The following DQX1 variants were observed in gnomAD, a reference collection of about 807,000 sequenced individuals.
The protein encoded by DQX1 is ATP-dependent RNA helicase homolog DQX1.
A neutral mutation model predicts 81.3 loss-of-function variants in DQX1; 66 were observed. The observed-to-expected ratio is 0.81, with a 90% confidence interval of 0.67 to 1.00. The LOEUF is 1.00. Ranked by LOEUF, DQX1 falls within the 50% of genes least tolerant of loss-of-function variation. The pLI is 0.00. For synonymous variants in DQX1, 290 were observed against 350.0 expected, an observed-to-expected ratio of 0.83 and a Z score of 1.91; for missense variants, 798 against 867.9, an observed-to-expected ratio of 0.92 and a Z score of 1.01.
chr2:74,519,890 T>A, intron 9 of DQX1, 25 bp downstream of exon 9: 1 of 1,605,498 alleles, frequency 6.2e-7, no homozygotes, highest in Non-Finnish European at 8.5e-7. Flanking sequence ...AAATCTGGGA[T>A]TCTATAAAAG....
Position 74,525,748 on chromosome 2 carries a change from C to G in DQX1, c.-19G>C, listed in dbSNP as rs1417149757. 3 of 1,546,874 alleles carry G rather than the reference C, an allele frequency of 1.9e-6. No individual in the cohort carries two copies. Among genetic ancestry groups the G allele is most frequent in the East Asian group, 2.4e-5 (1 of 40,860 alleles). ...AGGTCATGGTGGCTCTCTGGCAGGA[C>G]CTGCAGAAGGCAGAGCAGCCAGTAA... On this transcript the variant is annotated splice_region_variant and 5_prime_UTR_variant, in exon 2 of 12. Coordinates refer to ENST00000404568, the MANE Select transcript of DQX1 (RefSeq NM_133637.3). This position sits in a 1 kb window ranked among gnomAD's most constrained non-coding sequence, Gnocchi z 4.1.
At position 74,523,032 on chromosome 2, in the gene DQX1, T is replaced by G; in HGVS notation, c.1145-18A>C. 6.2e-7 allele frequency: 1 copy of G among 1,613,920 alleles called. No individual in the cohort carries two copies. On this transcript the variant is annotated intron_variant, in intron 6 of 11. Coordinates refer to ENST00000404568, the MANE Select transcript of DQX1 (RefSeq NM_133637.3). Reference sequence around the variant, plus strand: ...GCAGGATCCTGAGGGGAAAAAGACCTGGGAAAGAAGACCACTGTAGATTTC... The same window carrying G: ...GCAGGATCCTGAGGGGAAAAAGACCGGGGAAAGAAGACCACTGTAGATTTC...
Position 74,525,037 on chromosome 2 carries a change from C to T in DQX1, c.403G>A (p.Asp135Asn). 1 of 1,614,138 alleles carries T rather than the reference C, an allele frequency of 6.2e-7. No individual in the cohort carries two copies. Among genetic ancestry groups the T allele is most frequent in the Non-Finnish European group, 8.5e-7 (1 of 1,180,016 alleles). The change falls in exon 3 of 12, where the codon GAC becomes AAC. Residue 135 changes from aspartate to asparagine, a missense_variant. Physicochemically the swap from Asp to Asn is conservative, Grantham distance 23 (BLOSUM62 1). Coordinates refer to ENST00000404568, the MANE Select transcript of DQX1 (RefSeq NM_133637.3). This position sits in a 1 kb window ranked among gnomAD's most constrained non-coding sequence, Gnocchi z 4.1. ...AGCAGGGTGTTGGGCCCCGTGCAGT[C>T]CTCCTGGGGGATGCTGTATCCAACC... ...HEVGYSIPQE[D>N]CTGPNTLLRF...
chr2:74,525,844 A>G lies in DQX1; in HGVS notation c.-19-96T>C. 1.2e-6 allele frequency: 1 copy of G among 856,706 alleles called. No individual in the cohort carries two copies. The highest frequency in any genetic ancestry group is 1.8e-6 in the Non-Finnish European group (1 of 560,374). 53.1% of individuals were successfully genotyped at this position (856,706 alleles called of 1,614,324 possible). On this transcript the variant is annotated intron_variant, in intron 1 of 11. Coordinates refer to ENST00000404568, the MANE Select transcript of DQX1 (RefSeq NM_133637.3). The surrounding 1 kb of genome is among the most constrained non-coding windows in gnomAD (Gnocchi z 4.1). The stretch of plus-strand genomic sequence containing the variant: ...CCTTAACCTCTACCTTCAGTTGATC[A>G]TGCTCTGGGGCCCACCCTTCCCAGC...
In DQX1 at chr2:74,522,787, G is replaced by A. The variant is rs748760181; in HGVS notation, c.1304-16C>T. ...GCTTCTGGAGCTGGTGAGGAAACAG[G>A]GCTTACAGGATATGAAGTTTCAGAA... On this transcript the variant is annotated splice_polypyrimidine_tract_variant and intron_variant, in intron 7 of 11. Transcript: ENST00000404568. 6.2e-7 allele frequency: 1 copy of A among 1,613,844 alleles called. No individual in the cohort carries two copies. Among genetic ancestry groups the A allele is most frequent in the South Asian group, 1.1e-5 (1 of 91,052 alleles).
In DQX1 at chr2:74,523,253, T is replaced by C. The variant is rs181044530; in HGVS notation, c.1045-35A>G. ...GTCCCCCAACCAAGGCCAAGACAGA[T>C]CAGAGTGGGCCATTTCTGTCTTTAC... On this transcript the variant is annotated intron_variant, in intron 5 of 11. Coordinates refer to ENST00000404568, the MANE Select transcript of DQX1 (RefSeq NM_133637.3). 3.0e-3 allele frequency: 4,791 copies of C among 1,614,016 alleles called. 21 individuals carry two copies. The highest frequency in any genetic ancestry group is 2.6e-3 in the Non-Finnish European group (3,059 of 1,179,912).
In DQX1 at chr2:74,522,750, G is replaced by A. The variant is rs1360058821; in HGVS notation, c.1325C>T (p.Ala442Val). 1 of 1,614,064 alleles carries A rather than the reference G, an allele frequency of 6.2e-7. No individual in the cohort carries two copies. Among genetic ancestry groups the A allele is most frequent in the African/African-American group, 1.3e-5 (1 of 74,922 alleles). The change falls in exon 8 of 12, where the codon GCC (alanine) becomes GTC (valine). Residue 442 changes from alanine to valine, a missense_variant. By Grantham distance (64) the Ala-to-Val change is moderately conservative (BLOSUM62 0). Coordinates refer to ENST00000404568, the MANE Select transcript of DQX1 (RefSeq NM_133637.3). ...TGCCAGATAGTCTAAATCTTCCAGG[G>A]CTTGCATCAGTGCTTCTGGAGCTGG... ...DQPAPEALMQ[A>V]LEDLDYLAAL... is the part of the protein sequence containing the mutation.
chr2:74,525,367 C>T lies in DQX1; in HGVS notation c.237+126G>A. On this transcript the variant is annotated intron_variant, in intron 2 of 11. Transcript: ENST00000404568. The surrounding 1 kb of genome is among the most constrained non-coding windows in gnomAD (Gnocchi z 4.1). Reference sequence around the variant, plus strand: ...ACCCATCCCATCTCTCTTCGTTCACCTTCCTCATGACCCCACGCAGCCCAG... The same window carrying T: ...ACCCATCCCATCTCTCTTCGTTCACTTTCCTCATGACCCCACGCAGCCCAG... 1.6e-6 allele frequency: 2 copies of T among 1,266,912 alleles called. No homozygotes were observed. Among genetic ancestry groups the T allele is most frequent in the East Asian group, 5.1e-5 (2 of 39,272 alleles). 78.5% of individuals were successfully genotyped at this position (1,266,912 alleles called of 1,614,324 possible). A position where few individuals can be genotyped will look rare whatever the true frequency, so the allele number is the denominator to read the frequency against.
rs1332592648 is a variant in DQX1, at chr2:74,523,028, G to T, written c.1145-14C>A. 1 of 1,613,912 alleles carries T rather than the reference G, an allele frequency of 6.2e-7. No homozygotes were observed. Among genetic ancestry groups the T allele is most frequent in the Non-Finnish European group, 8.5e-7 (1 of 1,179,904 alleles). Reference sequence around the variant, plus strand: ...AGAGGCAGGATCCTGAGGGGAAAAAGACCTGGGAAAGAAGACCACTGTAGA... The same window carrying T: ...AGAGGCAGGATCCTGAGGGGAAAAATACCTGGGAAAGAAGACCACTGTAGA... On this transcript the variant is annotated splice_polypyrimidine_tract_variant and intron_variant, in intron 6 of 11. Transcript: ENST00000404568.
In DQX1 at chr2:74,525,047, G is replaced by C; in HGVS notation, c.393C>G (p.Ile131Met). 1 of 1,614,144 alleles carries C rather than the reference G, an allele frequency of 6.2e-7. No individual in the cohort carries two copies. Among genetic ancestry groups the C allele is most frequent in the Non-Finnish European group, 8.5e-7 (1 of 1,180,002 alleles). ...TGGGCCCCGTGCAGTCCTCCTGGGG[G>C]ATGCTGTATCCAACCTCATGACCCA... ...LTLGHEVGYSIPQEDCTGPNT... is the reference protein window; with the variant it reads ...LTLGHEVGYSMPQEDCTGPNT... The change falls in exon 3 of 12, where the codon ATC becomes ATG. Residue 131 changes from isoleucine (I) to methionine (M), a missense_variant. Transcript: ENST00000404568. The surrounding 1 kb of genome is among the most constrained non-coding windows in gnomAD (Gnocchi z 4.1).
At position 74,519,227 on chromosome 2, in the gene DQX1, C is replaced by T; in HGVS notation, c.1810G>A (p.Ala604Thr). ...ALVSGYFLKV[A>T]RDTDGTGNYL... Reference sequence around the variant, plus strand: ...TTTCCAGTCCCGTCTGTGTCTCTGGCCACCTTATTGAAAGGCAGAAATATT... The same window carrying T: ...TTTCCAGTCCCGTCTGTGTCTCTGGTCACCTTATTGAAAGGCAGAAATATT... Residue 604 changes from alanine to threonine, a missense_variant, in exon 11 of 12, where the codon GCC (alanine) becomes ACC (threonine). By Grantham distance (58) the Ala-to-Thr change is moderately conservative (BLOSUM62 0). Coordinates refer to ENST00000404568, the MANE Select transcript of DQX1 (RefSeq NM_133637.3). 1 of 1,551,358 alleles carries T rather than the reference C, an allele frequency of 6.4e-7. No homozygotes were observed. The highest frequency in any genetic ancestry group is 8.7e-7 in the Non-Finnish European group (1 of 1,149,388).
chr2:74,524,315 C>T lies in DQX1; in HGVS notation c.432-8G>A, dbSNP rs1199741673. ...AGCCTGTCCCAGCAGAACCTGTTGA[C>T]ATTGGTAGTGGGCAGAGGAATCAGT... On this transcript the variant is annotated splice_polypyrimidine_tract_variant and splice_region_variant and intron_variant, in intron 3 of 11. Transcript: ENST00000404568. The T allele has an allele frequency of 3.7e-6, 6 of 1,606,486 alleles. No homozygotes were observed. The highest frequency in any genetic ancestry group is 5.1e-6 in the Non-Finnish European group (6 of 1,177,510).
chr2:74,518,899 G>T, intron 11 of DQX1, 141 bp downstream of exon 11: 2 of 936,650 alleles, frequency 2.1e-6, no homozygotes, highest in South Asian at 2.0e-5. Flanking sequence ...CTTCTCACCA[G>T]CCCTTCCACA....
chr2:74,521,005 G>T (rs542661881), intron 8 of DQX1, among the ~76,000 whole-genome samples: 1 of 152,088 alleles, frequency 6.6e-6, no homozygotes, highest in Non-Finnish European at 1.5e-5. Context: ...GAGTCCATGT[G>T]TCTGAAAAAG....
At chr2:74,526,081 G>C (rs1675174253) in intron 1 of DQX1, 55 bp downstream of exon 1, 2 of 261,456 alleles carry the variant, frequency 7.6e-6, no homozygotes, top group African/African-American at 4.5e-5. Context: ...AAAGGATAAA[G>C]AATATAGGGG....
intron 8 of DQX1, among the ~76,000 whole-genome samples, chr2:74,521,219 G>T (rs146828224): frequency 0.012 from 1,780 of 152,340 alleles, 37 homozygotes; most frequent in African/African-American, 0.041. Context: ...TAGCAGAGCA[G>T]CAGAGATAAT....
At position 74,518,581 on chromosome 2, in the gene DQX1, T is replaced by C. The variant is rs779985546; in HGVS notation, c.2019A>G (p.Pro673=). The change falls in exon 12 of 12, where the codon CCA becomes CCG. Residue 673 remains proline (P), a synonymous_variant. Transcript: ENST00000404568. The part of the protein sequence containing the change: ...QPQMLVELAP[P]YFLSNLPPSE... ...TGGGAGGCAAGTTACTCAGGAAGTATGGAGGGGCCAATTCCACCAGCCTAA... is the reference window on the plus strand; with the variant it reads ...TGGGAGGCAAGTTACTCAGGAAGTACGGAGGGGCCAATTCCACCAGCCTAA... 2 of 1,614,174 alleles carry C rather than the reference T, an allele frequency of 1.2e-6. No homozygotes were observed. Among genetic ancestry groups the C allele is most frequent in the Non-Finnish European group, 1.7e-6 (2 of 1,180,018 alleles).
In DQX1 at chr2:74,525,188, A is replaced by G. The variant is rs756962672; in HGVS notation, c.252T>C (p.Cys84=). 1 of 1,583,616 alleles carries G rather than the reference A, an allele frequency of 6.3e-7. No homozygotes were observed. The highest frequency in any genetic ancestry group is 2.3e-5 in the East Asian group (1 of 43,788). The change falls in exon 3 of 12, where the codon TGT becomes TGC. Residue 84 remains cysteine (C), a synonymous_variant. Coordinates refer to ENST00000404568, the MANE Select transcript of DQX1 (RefSeq NM_133637.3). This position sits in a 1 kb window ranked among gnomAD's most constrained non-coding sequence, Gnocchi z 4.1. The part of the protein sequence containing the change: ...SGKSTQIPQW[C]AEFALARGFQ... ...ACCCTCTGGCCAGCGCAAACTCTGC[A>G]CACCACTGAGGGATCTGGGATAGAA...
chr2:74,525,516 G>A lies in DQX1; in HGVS notation c.214C>T (p.Pro72Ser), dbSNP rs1314646877. 1.9e-6 allele frequency: 3 copies of A among 1,552,226 alleles called. No homozygotes were observed. The highest frequency in any genetic ancestry group is 2.6e-6 in the Non-Finnish European group (3 of 1,147,158). Residue 72 changes from proline (P) to serine (S), a missense_variant, in exon 2 of 12, where the codon CCT (proline) becomes TCT (serine). Physicochemically the swap from Pro to Ser is moderately conservative, Grantham distance 74. Transcript: ENST00000404568. This position sits in a 1 kb window ranked among gnomAD's most constrained non-coding sequence, Gnocchi z 4.1. ...ACCTGGGTGCTCTTGCCAGAACCAGGCTCCCCAGACACCAGCACCACTCCA... is the reference window on the plus strand; with the variant it reads ...ACCTGGGTGCTCTTGCCAGAACCAGACTCCCCAGACACCAGCACCACTCCA... ...PTGVVLVSGE[P>S]GSGKSTQIPQ...
Sources: allele counts gnomAD v4.1 joint callset (sites outside exome capture counted in the v4.1 genomes callset), GRCh38; gene constraint gnomAD v4.1.1; non-coding constraint Gnocchi (gnomAD v3.1); transcripts MANE v1.5; gene names NCBI Gene and HGNC (gene_info 2026-07-23, HGNC 2026-07-21).